The following IQGAP1 variants were observed in gnomAD, a reference collection of about 807,000 sequenced individuals.
IQGAP1 encodes ras GTPase-activating-like protein IQGAP1.
Under a neutral mutation model 215.6 loss-of-function variants are expected in IQGAP1, and 66 were observed. The ratio of observed to expected loss-of-function variants is 0.31; its 90% confidence interval spans 0.25 to 0.38. IQGAP1 has a LOEUF of 0.38. Ranked by LOEUF, IQGAP1 falls within the 10% of genes least tolerant of loss-of-function variation. The pLI is 1.00. For missense variants in IQGAP1, 1,712 were observed against 1,997.1 expected (o/e 0.86, Z 2.72); for synonymous variants, 772 against 728.7 (o/e 1.06, Z -0.96).
chr15:90,473,676 G>A (rs780908390), intron 19 of IQGAP1, 39 bp from the exon 20 acceptor site: 1 of 1,397,744 alleles, frequency 7.2e-7, no homozygotes, highest in Non-Finnish European at 1.0e-6. Context: ...ATTGATGCTT[G>A]GGAAGTAATA....
chr15:90,447,586 G>A (rs1308841797), intron 9 of IQGAP1, among the ~76,000 whole-genome samples: 2 of 152,078 alleles, frequency 1.3e-5, no homozygotes, highest in African/African-American at 4.8e-5. Context: ...AGTGGTGGTA[G>A]GGACAGGCAT....
chr15:90,395,999 C>G (rs1964713609), intron 2 of IQGAP1, among the ~76,000 whole-genome samples: 1 of 152,178 alleles, frequency 6.6e-6, no homozygotes, highest in African/African-American at 2.4e-5. Flanking sequence ...GCACACCCCT[C>G]TTGTAGAAGG....
At chr15:90,473,830 G>A (rs748669586) in intron 20 of IQGAP1, 32 bp downstream of exon 20, 10 of 1,610,558 alleles carry the variant, frequency 6.2e-6, no homozygotes, top group Non-Finnish European at 6.8e-6. Flanking sequence ...TTCTCCATGA[G>A]GGGCACAGGT....
At chr15:90,424,038 T>C (rs1171606058) in intron 2 of IQGAP1, among the ~76,000 whole-genome samples, 2 of 152,040 alleles carry the variant, frequency 1.3e-5, no homozygotes, top group African/African-American at 4.8e-5. Flanking sequence ...TTTTTTTTTT[T>C]TGGTACTGTT....
chr15:90,468,048 TTTTGTTTG>T (rs113897373), intron 18 of IQGAP1, among the ~76,000 whole-genome samples: 1 of 149,814 alleles, frequency 6.7e-6, no homozygotes, highest in Non-Finnish European at 1.5e-5. Flanking sequence ...ATTCAACAGT[TTTTGTTTG>T]TTTGTTTGTT....
At chr15:90,429,186 G>T (rs1965268755) in intron 3 of IQGAP1, among the ~76,000 whole-genome samples, 1 of 152,094 alleles carries the variant, frequency 6.6e-6, no homozygotes, top group Non-Finnish European at 1.5e-5. Context: ...GAACATCTAT[G>T]TATTCAGACA....
chr15:90,398,237 G>T (rs929615406), intron 2 of IQGAP1, among the ~76,000 whole-genome samples: 1 of 152,078 alleles, frequency 6.6e-6, no homozygotes, highest in South Asian at 2.1e-4. Flanking sequence ...TTAATGTGAA[G>T]ATGACAGGAA....
chr15:90,396,219 C>G (rs977230499), intron 2 of IQGAP1, among the ~76,000 whole-genome samples: 22 of 152,286 alleles, frequency 1.4e-4, no homozygotes, highest in Non-Finnish European at 1.9e-4. Flanking sequence ...CTCTTCAGAT[C>G]TCCTCTCCCT....
chr15:90,453,148 C>A lies in IQGAP1; in HGVS notation c.1343C>A (p.Pro448Gln). 6.2e-7 allele frequency: 1 copy of A among 1,612,706 alleles called. No homozygotes were observed. The highest frequency in any genetic ancestry group is 8.5e-7 in the Non-Finnish European group (1 of 1,179,402). ...RQSPEHNLTH[P>Q]ELSVAVEMLS... ...TCTGTACAGCATAATCTCACCCACC[C>A]AGAGCTCTCTGTCGCAGTGGAGATG... The change falls in exon 13 of 38, where the codon CCA becomes CAA. Residue 448 changes from proline to glutamine, a missense_variant. By Grantham distance (76) the Pro-to-Gln change is moderately conservative. Around this residue, in one of 2 missense-constraint regions of IQGAP1, gnomAD observed 1,021 missense variants for 1,074.2 expected, o/e 0.95. Transcript: ENST00000268182.
intron 8 of IQGAP1, among the ~76,000 whole-genome samples, chr15:90,442,991 G>A (rs112874653): frequency 0.012 from 1,856 of 151,944 alleles, 28 homozygotes; most frequent in African/African-American, 0.043. Flanking sequence ...ACAGAATCTC[G>A]CTCAGTCACC....
chr15:90,439,148 G>A (rs1596266446), intron 5 of IQGAP1, among the ~76,000 whole-genome samples, 184 bp from the exon 6 acceptor site: 1 of 128,020 alleles, frequency 7.8e-6, no homozygotes, highest in African/African-American at 3.8e-5. Flanking sequence ...ATGTTGTCAT[G>A]TAAACTAAAA....
Position 90,474,606 on chromosome 15 carries a change from C to A in IQGAP1, c.2697C>A (p.Leu899=). Residue 899 remains leucine, a synonymous_variant, in exon 23 of 38, where the codon CTC becomes CTA. Transcript: ENST00000268182. ...AGATGCGGGAAGAGGTTATCACCCT[C>A]ATTCGTTCTAACCAGCAGCTGGAGA... is the stretch of plus-strand genomic sequence containing the variant. ...LMKMREEVIT[L]IRSNQQLEND... The A allele has an allele frequency of 6.2e-7, 1 of 1,613,814 alleles. No individual in the cohort carries two copies. The highest frequency in any genetic ancestry group is 2.2e-5 in the East Asian group (1 of 44,882).
chr15:90,440,448 T>A, intron 6 of IQGAP1, 54 bp from the exon 7 acceptor site: 1 of 1,215,210 alleles, frequency 8.2e-7, no homozygotes, highest in Non-Finnish European at 1.2e-6. Context: ...TTCCTTCTCT[T>A]GGTTATGGAA....
chr15:90,500,102 GAAGT>G lies in IQGAP1; in HGVS notation c.4971_4974del (p.Lys1657AsnfsTer2). 1 of 1,572,238 alleles carries G rather than the reference GAAGT, an allele frequency of 6.4e-7. No individual in the cohort carries two copies. Among genetic ancestry groups the G allele is most frequent in the Non-Finnish European group, 8.8e-7 (1 of 1,141,862 alleles). On this transcript the variant is annotated frameshift_variant and stop_lost, in exon 38 of 38. Transcript: ENST00000268182. LOFTEE classifies it high-confidence loss of function. ...TCCTTCTCAACAAAAAGTTCTACGG[GAAGT>G]AATTGATCGTTTGCTGCCAGCCCAG...
intron 37 of IQGAP1, among the ~76,000 whole-genome samples, chr15:90,497,874 A>G (rs1270922276): frequency 6.6e-6 from 1 of 152,190 alleles, no homozygotes; most frequent in East Asian, 1.9e-4. Flanking sequence ...ATAACAGGGC[A>G]TCGAGAGGAT....
intron 15 of IQGAP1, among the ~76,000 whole-genome samples, chr15:90,463,309 TAA>T (rs1235221228): frequency 5.9e-5 from 9 of 152,270 alleles, no homozygotes; most frequent in Non-Finnish European, 1.3e-4. Context: ...GAGGTTGTGC[TAA>T]GTCTCACAAC....
intron 1 of IQGAP1, 34 bp downstream of exon 1, chr15:90,388,430 G>A (rs776239867): frequency 1.9e-6 from 3 of 1,551,254 alleles, no homozygotes; most frequent in Non-Finnish European, 8.7e-7. Context: ...GGGGGCTTCG[G>A]GCTGGGCTAA....
chr15:90,447,124 C>T (rs999724371), intron 9 of IQGAP1, among the ~76,000 whole-genome samples: 6 of 152,124 alleles, frequency 3.9e-5, no homozygotes, highest in Admixed American at 1.3e-4. Context: ...ATTATATTTG[C>T]AACATATAGC....
chr15:90,448,645 A>AG lies in IQGAP1; in HGVS notation c.987dup (p.Ser330ValfsTer14), dbSNP rs1381213970. 1.2e-6 allele frequency: 2 copies of AG among 1,612,400 alleles called. No individual in the cohort carries two copies. Among genetic ancestry groups the AG allele is most frequent in the African/African-American group, 2.7e-5 (2 of 74,860 alleles). ...GCACTGGCCTTGTTCAGGGCTCTGC[A>AG]GTCACCAGCCCTGGGGCTTCGAGGA... On this transcript the variant is annotated frameshift_variant, in exon 10 of 38. Transcript: ENST00000268182. LOFTEE classifies it high-confidence loss of function.
Sources: allele counts gnomAD v4.1 joint callset (sites outside exome capture counted in the v4.1 genomes callset), GRCh38; gene constraint gnomAD v4.1.1; regional missense constraint gnomAD v4.1.1; transcripts MANE v1.5; gene names NCBI Gene and HGNC (gene_info 2026-07-23, HGNC 2026-07-21).